Variants in ROBO2 observed in about 807,000 individuals in gnomAD.
ROBO2 encodes the protein roundabout homolog 2.
In ROBO2, 53 loss-of-function variants were observed where a neutral mutation model predicts 160.8. The ratio of observed to expected loss-of-function variants is 0.33; its 90% confidence interval spans 0.26 to 0.41. The LOEUF is 0.41. Among genes scored for constraint, ROBO2 ranks in the 10% least tolerant of loss-of-function variants. The pLI is 1.00. For missense variants in ROBO2, 1,577 were observed against 1,722.4 expected (o/e 0.92, Z 1.49); for synonymous variants, 664 against 611.7 (o/e 1.09, Z -1.26).
At chr3:77,438,387 C>G (rs1259029136) in intron 2 of ROBO2, among the ~76,000 whole-genome samples, 1 of 151,514 alleles carries the variant, frequency 6.6e-6, no homozygotes, top group Non-Finnish European at 1.5e-5. Flanking sequence ...CTGAGTTTTA[C>G]CAGGAAATAA....
At chr3:77,092,607 T>C (rs1401303345) in intron 1 of ROBO2, among the ~76,000 whole-genome samples, 2 of 146,428 alleles carry the variant, frequency 1.4e-5, no homozygotes, top group Non-Finnish European at 3.0e-5. Context: ...TATATTTTAA[T>C]ATATATTATT....
intron 2 of ROBO2, among the ~76,000 whole-genome samples, chr3:77,344,109 G>T (rs999123263): frequency 6.6e-6 from 1 of 152,104 alleles, no homozygotes; most frequent in Non-Finnish European, 1.5e-5. Flanking sequence ...GATATAGCAG[G>T]ATGGGCTACC....
chr3:77,277,212 C>CTTTCT (rs762489739), intron 2 of ROBO2, among the ~76,000 whole-genome samples: 1 of 80,084 alleles, frequency 1.2e-5, no homozygotes, highest in South Asian at 4.6e-4. Context: ...TTCTTTCTTT[C>CTTTCT]TTCTTTCTTT....
chr3:76,872,804 T>C (rs2072255925), intron 2 of ROBO2, among the ~76,000 whole-genome samples: 1 of 152,048 alleles, frequency 6.6e-6, no homozygotes, highest in African/African-American at 2.4e-5. Context: ...TATACACCCT[T>C]TCTTTTGTTG....
At chr3:75,932,705 A>T (rs1357418575) in intron 1 of ROBO2, among the ~76,000 whole-genome samples, 1 of 152,138 alleles carries the variant, frequency 6.6e-6, no homozygotes, top group African/African-American at 2.4e-5. Flanking sequence ...GAATTTTAAT[A>T]CTTTAGAGTT....
intron 2 of ROBO2, among the ~76,000 whole-genome samples, chr3:76,092,849 C>G (rs973521916): frequency 1.3e-5 from 2 of 152,138 alleles, no homozygotes; most frequent in Admixed American, 6.5e-5. Flanking sequence ...TTCAGTGACT[C>G]AGTCAACCTT....
chr3:77,592,614 C>T (rs9827292), intron 17 of ROBO2, among the ~76,000 whole-genome samples: 6,526 of 152,154 alleles, frequency 0.043, 173 homozygotes, highest in African/African-American at 0.076. Context: ...TGCAGTGGCA[C>T]GATCTTGGCT....
intron 5 of ROBO2, among the ~76,000 whole-genome samples, chr3:77,505,675 T>C (rs2088396901): frequency 6.6e-6 from 1 of 152,138 alleles, no homozygotes; most frequent in South Asian, 2.1e-4. Flanking sequence ...TTAAAATATA[T>C]TAAATATGGG....
intron 2 of ROBO2, among the ~76,000 whole-genome samples, chr3:76,194,110 T>C (rs956074386): frequency 8.6e-5 from 13 of 151,878 alleles, no homozygotes; most frequent in African/African-American, 2.9e-4. Context: ...AATTGAAAGA[T>C]TGAATCTAGT....
At chr3:76,745,468 A>T (rs945427658) in intron 2 of ROBO2, among the ~76,000 whole-genome samples, 2 of 152,244 alleles carry the variant, frequency 1.3e-5, no homozygotes. Flanking sequence ...GAATCATTCC[A>T]GTTTTTTCTT....
chr3:76,461,110 G>A (rs1029241512), intron 2 of ROBO2, among the ~76,000 whole-genome samples: 2 of 152,186 alleles, frequency 1.3e-5, no homozygotes, highest in Admixed American at 1.3e-4. Context: ...AAAGAAGCAT[G>A]GTGCTGGCAT....
At chr3:77,121,234 C>A (rs1329723577) in intron 2 of ROBO2, among the ~76,000 whole-genome samples, 1 of 152,050 alleles carries the variant, frequency 6.6e-6, no homozygotes, top group African/African-American at 2.4e-5. Flanking sequence ...CGTGAGCCAC[C>A]GAGCCCAGCC....
intron 2 of ROBO2, among the ~76,000 whole-genome samples, chr3:76,493,348 T>TAC (rs1197922350): frequency 4.2e-5 from 6 of 141,466 alleles, no homozygotes; most frequent in African/African-American, 1.6e-4. Context: ...TATATATATA[T>TAC]ATATATATAT....
intron 2 of ROBO2, among the ~76,000 whole-genome samples, chr3:76,380,752 T>C (rs1156684837): frequency 6.6e-6 from 1 of 152,138 alleles, no homozygotes; most frequent in African/African-American, 2.4e-5. Flanking sequence ...AGGAGGGATG[T>C]TTTCCTAACC....
chr3:76,195,063 TAGTC>T (rs1195117199), intron 2 of ROBO2, among the ~76,000 whole-genome samples: 4 of 152,186 alleles, frequency 2.6e-5, no homozygotes, highest in African/African-American at 9.7e-5. Flanking sequence ...CATTTGTGAA[TAGTC>T]AGGCAACTTG....
intron 19 of ROBO2, among the ~76,000 whole-genome samples, chr3:77,599,647 TA>T (rs1646145937): frequency 6.7e-6 from 1 of 150,118 alleles, no homozygotes; most frequent in Admixed American, 6.6e-5. Flanking sequence ...TAGAGTATAA[TA>T]AAAAAATAAA....
chr3:77,235,459 AGAG>A (rs999577524), intron 2 of ROBO2, among the ~76,000 whole-genome samples: 16 of 151,812 alleles, frequency 1.1e-4, no homozygotes, highest in African/African-American at 3.9e-4. Flanking sequence ...TTCACGCCAG[AGAG>A]GAGAATATTT....
At chr3:76,882,114 CTGTG>C (rs925984437) in intron 2 of ROBO2, among the ~76,000 whole-genome samples, 2 of 107,618 alleles carry the variant, frequency 1.9e-5, no homozygotes, top group Admixed American at 1.9e-4. Flanking sequence ...GTGTGTGTGT[CTGTG>C]TGTGTGTCTT....
rs74266989 is a variant in ROBO2 at position 76,346,249 on chromosome 3, A to AT, written c.109+408663dup. 8.2e-3 allele frequency among the ~76,000 whole-genome samples: 1,170 copies of AT among 143,344 alleles called. 8 individuals carry two copies. Among genetic ancestry groups the AT allele is most frequent in the African/African-American group, 0.016 (626 of 39,144 alleles). 94.0% of individuals were successfully genotyped at this position (143,344 alleles called of 152,430 possible). A position where few individuals can be genotyped will look rare whatever the true frequency, so the allele number is the denominator to read the frequency against. ...CAGTTTTTTATAGTCCATTAAGAGA[A>AT]TTTTTTTTTTTTTTTTGAGACAGAG... On this transcript the variant is annotated intron_variant, in intron 2 of 26. Coordinates refer to the ROBO2 transcript ENST00000487694.
Sources: allele counts gnomAD v4.1 joint callset (sites outside exome capture counted in the v4.1 genomes callset), GRCh38; gene constraint gnomAD v4.1.1; transcripts MANE v1.5; gene names NCBI Gene and HGNC (gene_info 2026-07-23, HGNC 2026-07-21).